The following KCNJ6 variants were observed in gnomAD, a reference collection of about 807,000 sequenced individuals.
KCNJ6 encodes the protein G protein-activated inward rectifier potassium channel 2.
A neutral mutation model predicts 34.2 loss-of-function variants in KCNJ6; 9 were observed. The observed-to-expected ratio is 0.26, with a 90% CI of 0.16 to 0.46. KCNJ6 has a LOEUF of 0.46. Ranked by LOEUF, KCNJ6 falls within the 20% of genes least tolerant of loss-of-function variation. The pLI, the probability that KCNJ6 is intolerant of heterozygous loss-of-function variation, is 1.00. For synonymous variants in KCNJ6, 196 were observed against 207.1 expected (o/e 0.95, Z 0.46); for missense variants, 236 against 531.3 (o/e 0.44, Z 5.46).
intron 3 of KCNJ6, among the ~76,000 whole-genome samples, chr21:37,712,745 T>TC (rs1306413339): frequency 2.8e-4 from 16 of 56,292 alleles, no homozygotes; most frequent in South Asian, 6.8e-4. Context: ...TCTCCTCCTC[T>TC]CCTTCCTCCC....
At chr21:37,749,347 C>A (rs539146158) in intron 2 of KCNJ6, among the ~76,000 whole-genome samples, 102 of 152,256 alleles carry the variant, frequency 6.7e-4, no homozygotes, top group African/African-American at 2.3e-3. Flanking sequence ...ATAAAGTACG[C>A]GTGGGCAAGG....
intron 2 of KCNJ6, among the ~76,000 whole-genome samples, chr21:37,763,245 G>T (rs955592929): frequency 6.6e-6 from 1 of 152,158 alleles, no homozygotes; most frequent in Non-Finnish European, 1.5e-5. Flanking sequence ...CTGCTTGTAG[G>T]GGGGGCCTGC....
intron 1 of KCNJ6, among the ~76,000 whole-genome samples, chr21:37,881,919 A>C (rs892443460): frequency 6.6e-6 from 1 of 152,148 alleles, no homozygotes; most frequent in African/African-American, 2.4e-5. Flanking sequence ...GGGCAGTGCT[A>C]AGACCAACAG....
In KCNJ6 at chr21:37,797,966, T is replaced by C. The variant is rs537376514; in HGVS notation, c.25+42692A>G. Among the ~76,000 whole-genome samples, 7 of 152,334 alleles carry C rather than the reference T, an allele frequency of 4.6e-5. No homozygotes were observed. In the South Asian group the frequency reaches 8.3e-4, roughly 18 times the overall value. ...GGGACTTATTAACAATCCTCCAATA[T>C]TGATATCACTTTAGCTAAACATTCT... On this transcript the variant is annotated intron_variant, in intron 2 of 3. Coordinates refer to ENST00000609713, the MANE Select transcript of KCNJ6 (RefSeq NM_002240.5).
At chr21:37,897,908 C>T (rs1283110438) in intron 1 of KCNJ6, among the ~76,000 whole-genome samples, 5 of 152,270 alleles carry the variant, frequency 3.3e-5, no homozygotes, top group Middle Eastern at 3.4e-3. Context: ...CTATTTGCTA[C>T]GGGAGTAAAA....
chr21:37,819,046 T>G (rs966269613), intron 2 of KCNJ6, among the ~76,000 whole-genome samples: 3 of 152,232 alleles, frequency 2.0e-5, no homozygotes, highest in African/African-American at 7.2e-5. Context: ...TGTATCATTA[T>G]AATTGTCTGG....
Position 37,795,661 on chromosome 21 carries a change from C to T in KCNJ6, c.25+44997G>A, listed in dbSNP as rs531199161. Among the ~76,000 whole-genome samples the T allele has an allele frequency of 2.2e-4, 33 of 149,900 alleles. No homozygotes were observed. The South Asian group carries it at 3.2e-3, about 14-fold the overall frequency. On this transcript the variant is annotated intron_variant, in intron 2 of 3. Transcript: ENST00000609713. ...TCGGGAGGCTGAGGCAGGAGAATGG[C>T]GAGAACCGGTTGCAGTGAGCTGAGA... is the stretch of plus-strand genomic sequence containing the variant.
At chr21:37,652,777 A>G (rs2898333) in intron 3 of KCNJ6, among the ~76,000 whole-genome samples, 21,809 of 152,194 alleles carry the variant, frequency 0.14, 2,394 homozygotes, top group African/African-American at 0.3. Context: ...AATTTTCTGC[A>G]GGAAGAGGGG....
rs529300992 is a variant in KCNJ6, at chr21:37,695,417, T to A, written c.946+18794A>T. Among the ~76,000 whole-genome samples the A allele has an allele frequency of 6.6e-6, 1 of 152,268 alleles. No individual in the cohort carries two copies. Among genetic ancestry groups the A allele is most frequent in the Admixed American group, 6.5e-5 (1 of 15,302 alleles). ...CACAGGGTCAGTTTCACAGGGCTGG[T>A]TTTTACATTATGCAGCTCAATAAAA... On this transcript the variant is annotated intron_variant, in intron 3 of 3. Transcript: ENST00000609713. This position sits in a 1 kb window ranked among gnomAD's most constrained non-coding sequence, Gnocchi z 4.2.
intron 2 of KCNJ6, among the ~76,000 whole-genome samples, chr21:37,781,029 G>A (rs902959180): frequency 1.3e-4 from 20 of 152,210 alleles, no homozygotes; most frequent in African/African-American, 4.8e-4. Flanking sequence ...GAATGGAAAA[G>A]ACAAGTTGGG....
intron 3 of KCNJ6, among the ~76,000 whole-genome samples, chr21:37,645,016 GGTTT>G (rs1243641339): frequency 1.0e-5 from 1 of 98,094 alleles, no homozygotes; most frequent in African/African-American, 3.9e-5. Flanking sequence ...AAAACAGGTG[GGTTT>G]TTTTTTTTTT....
intron 3 of KCNJ6, among the ~76,000 whole-genome samples, chr21:37,697,840 C>T (rs567409817): frequency 1.3e-5 from 2 of 152,298 alleles, no homozygotes; most frequent in African/African-American, 4.8e-5. Flanking sequence ...AAGTTACACT[C>T]AGTCTCCTAG....
chr21:37,741,540 G>C (rs1470932321), intron 2 of KCNJ6, among the ~76,000 whole-genome samples: 1 of 152,142 alleles, frequency 6.6e-6, no homozygotes. Flanking sequence ...GGGTTGTGAT[G>C]GCTCTAGATG....
chr21:37,789,262 C>G (rs1447531253), intron 2 of KCNJ6, among the ~76,000 whole-genome samples: 1 of 152,214 alleles, frequency 6.6e-6, no homozygotes, highest in African/African-American at 2.4e-5. Context: ...GTTCAAGACT[C>G]AACCCCCAGT....
At chr21:37,860,841 C>T in intron 1 of KCNJ6, among the ~76,000 whole-genome samples, 1 of 127,380 alleles carries the variant, frequency 7.9e-6, no homozygotes, top group Admixed American at 7.4e-5. Context: ...CAATGTTTTC[C>T]CTGCTTAATT....
At chr21:37,812,478 C>T (rs1353913190) in intron 2 of KCNJ6, among the ~76,000 whole-genome samples, 3 of 152,142 alleles carry the variant, frequency 2.0e-5, no homozygotes, top group Non-Finnish European at 4.4e-5. Flanking sequence ...GAAAACTACA[C>T]ACCAAAATCT....
intron 3 of KCNJ6, among the ~76,000 whole-genome samples, chr21:37,668,127 C>T (rs1012999443): frequency 2.0e-5 from 3 of 152,114 alleles, no homozygotes; most frequent in Non-Finnish European, 4.4e-5. Context: ...GGCCTCAGCT[C>T]GGGTGTGTGG....
chr21:37,713,555 T>G (rs2123450960), intron 3 of KCNJ6, among the ~76,000 whole-genome samples: 1 of 152,320 alleles, frequency 6.6e-6, no homozygotes, highest in African/African-American at 2.4e-5. Flanking sequence ...GAACAGATCA[T>G]CTTCCCTAAA....
Position 37,879,734 on chromosome 21 carries a change from T to C in KCNJ6, c.-28+36150A>G, listed in dbSNP as rs867278771. Among the ~76,000 whole-genome samples, 939 of 151,084 alleles carry C rather than the reference T, an allele frequency of 6.2e-3. 13 individuals carry two copies. Among genetic ancestry groups the C allele is most frequent in the African/African-American group, 0.022 (901 of 41,096 alleles). ...AATGAAGTGTGTGTGTGTGTGTGTG[T>C]GTGTGTGTGTGTGTGTGTGTGTGAC... On this transcript the variant is annotated intron_variant, in intron 1 of 3. Transcript: ENST00000609713.
Sources: gnomAD v4.1 joint callset for allele counts (sites outside exome capture counted in the v4.1 genomes callset) on GRCh38, gnomAD v4.1.1 for gene constraint, Gnocchi (gnomAD v3.1) non-coding constraint, MANE v1.5 for transcripts, NCBI Gene and HGNC (gene_info 2026-07-23, HGNC 2026-07-21) for gene names.